Variants in PLD5 observed in about 807,000 individuals in gnomAD.
PLD5 encodes the protein inactive phospholipase D5.
PLD5 carries 36 observed loss-of-function variants against 61.1 expected under a neutral mutation model. The observed-to-expected ratio is 0.59, with a 90% CI of 0.45 to 0.78. The LOEUF (loss-of-function observed/expected upper bound fraction) is 0.78. PLD5 is among the 30% of genes least tolerant of loss of function. The pLI is 0.00. For synonymous variants in PLD5, 243 were observed against 242.8 expected (o/e 1.00, Z -0.01); for missense variants, 515 against 644.4 (o/e 0.80, Z 2.17).
Position 242,295,944 on chromosome 1 carries a change from T to C in PLD5, c.327-7414A>G, listed in dbSNP as rs149261846. ...ACTTTCATACTTGATTTTGGCATTATGTAGAGAACAATTCAAAACGAAAGG... is the reference window on the plus strand; with the variant it reads ...ACTTTCATACTTGATTTTGGCATTACGTAGAGAACAATTCAAAACGAAAGG... On this transcript the variant is annotated intron_variant, in intron 2 of 9. Transcript: ENST00000536534. Among the ~76,000 whole-genome samples the C allele has an allele frequency of 8.2e-4, 125 of 152,360 alleles. 2 individuals are homozygous for C. Among genetic ancestry groups the C allele is most frequent in the African/African-American group, 3.0e-3 (123 of 41,588 alleles).
chr1:242,232,129 C>T (rs1463914451), intron 4 of PLD5, among the ~76,000 whole-genome samples: 2 of 151,830 alleles, frequency 1.3e-5, no homozygotes. Flanking sequence ...ATTTTAAAGC[C>T]CACCAATCCC....
chr1:242,122,363 T>C (rs1325532127), intron 6 of PLD5, among the ~76,000 whole-genome samples: 2 of 152,252 alleles, frequency 1.3e-5, no homozygotes, highest in Non-Finnish European at 2.9e-5. Flanking sequence ...ATCTCCAAGG[T>C]TGAAACTGTA....
intron 1 of PLD5, among the ~76,000 whole-genome samples, chr1:242,444,563 G>C (rs1275759793): frequency 3.3e-5 from 5 of 149,330 alleles, no homozygotes; most frequent in Non-Finnish European, 5.9e-5. Flanking sequence ...AACCTCCTCT[G>C]ATCCTCTAGA....
chr1:242,413,792 A>G (rs552391722), intron 1 of PLD5, among the ~76,000 whole-genome samples: 1 of 152,276 alleles, frequency 6.6e-6, no homozygotes, highest in African/African-American at 2.4e-5. Context: ...GGTTTGAAGC[A>G]ATCTGAAGCA....
chr1:242,106,444 C>A (rs916955096), intron 8 of PLD5, among the ~76,000 whole-genome samples: 1 of 152,174 alleles, frequency 6.6e-6, no homozygotes, highest in Non-Finnish European at 1.5e-5. Context: ...CCAGGAACTT[C>A]AGACCATGAT....
At chr1:242,254,242 A>T (rs971751164) in intron 4 of PLD5, among the ~76,000 whole-genome samples, 1 of 151,998 alleles carries the variant, frequency 6.6e-6, no homozygotes, top group Non-Finnish European at 1.5e-5. Flanking sequence ...GATGTCATTT[A>T]CTAACAGTTC....
At chr1:242,235,221 C>A (rs934222222) in intron 4 of PLD5, among the ~76,000 whole-genome samples, 1 of 152,166 alleles carries the variant, frequency 6.6e-6, no homozygotes, top group Non-Finnish European at 1.5e-5. Flanking sequence ...GATTTGGCCA[C>A]ATCCAGAGGC....
intron 4 of PLD5, among the ~76,000 whole-genome samples, chr1:242,259,626 A>C (rs1372146581): frequency 1.3e-5 from 2 of 152,156 alleles, no homozygotes; most frequent in Non-Finnish European, 2.9e-5. Flanking sequence ...CACTGATTCT[A>C]AATCTTCTAT....
At position 242,322,720 on chromosome 1, in the gene PLD5, T is replaced by C. The variant is rs1023703696; in HGVS notation, c.326+25386A>G. ...TATATCCACTTCCTACTTCACTCTT[T>C]CTCTCCTGCTGCCATGTAAGACATG... is the stretch of plus-strand genomic sequence containing the variant. On this transcript the variant is annotated intron_variant, in intron 2 of 9. Coordinates refer to ENST00000536534, the MANE Select transcript of PLD5 (RefSeq NM_001372062.1). 5.3e-5 allele frequency among the ~76,000 whole-genome samples: 8 copies of C among 152,294 alleles called. 1 individual carries two copies. The highest frequency in any genetic ancestry group is 3.4e-3 in the Middle Eastern group (1 of 294).
At chr1:242,401,567 C>T (rs1172382058) in intron 1 of PLD5, among the ~76,000 whole-genome samples, 2 of 152,196 alleles carry the variant, frequency 1.3e-5, no homozygotes, top group South Asian at 2.1e-4. Flanking sequence ...TCTTCAGCCA[C>T]ATGAGAGATG....
At chr1:242,132,519 T>G (rs1311345302) in intron 5 of PLD5, among the ~76,000 whole-genome samples, 1 of 152,232 alleles carries the variant, frequency 6.6e-6, no homozygotes, top group Non-Finnish European at 1.5e-5. Flanking sequence ...GCAGCTCACA[T>G]GCATCCAGTT....
rs1230953479 is a variant in PLD5 at position 242,516,267 on chromosome 1, T to TATAA, written c.189+7820_189+7821insTTAT. The stretch of plus-strand genomic sequence containing the variant: ...AAGTTAAATTATATATATATATATA[T>TATAA]ATATATATATATACATATTCTTCTA... On this transcript the variant is annotated intron_variant, in intron 1 of 9. Coordinates refer to ENST00000536534, the MANE Select transcript of PLD5 (RefSeq NM_001372062.1). Among the ~76,000 whole-genome samples, 25 of 121,592 alleles carry TATAA rather than the reference T, an allele frequency of 2.1e-4. No individual in the cohort carries two copies. In the East Asian group the frequency reaches 4.9e-3, roughly 24 times the overall value. The allele number at this position is 121,592 out of a possible 152,430, so 79.8% of individuals were successfully genotyped here.
At chr1:242,414,619 A>G (rs1664725040) in intron 1 of PLD5, among the ~76,000 whole-genome samples, 1 of 152,246 alleles carries the variant, frequency 6.6e-6, no homozygotes, top group African/African-American at 2.4e-5. Context: ...CTTAGTGAAT[A>G]CATCAGGATA....
intron 1 of PLD5, among the ~76,000 whole-genome samples, chr1:242,445,891 C>T (rs1215578255): frequency 6.6e-6 from 1 of 151,624 alleles, no homozygotes; most frequent in African/African-American, 2.4e-5. Context: ...CTTTATTTTC[C>T]ATTTTCTCTC....
At chr1:242,389,350 T>C (rs1386479199) in intron 1 of PLD5, among the ~76,000 whole-genome samples, 1 of 152,138 alleles carries the variant, frequency 6.6e-6, no homozygotes, top group Non-Finnish European at 1.5e-5. Flanking sequence ...CATCTTAGAA[T>C]TACCCATACT....
At chr1:242,435,713 G>T (rs1037948655) in intron 1 of PLD5, among the ~76,000 whole-genome samples, 1 of 152,184 alleles carries the variant, frequency 6.6e-6, no homozygotes, top group Non-Finnish European at 1.5e-5. Flanking sequence ...TCCTAAAAGA[G>T]CAATGGGTGA....
chr1:242,377,072 G>T, intron 1 of PLD5: 1 of 1,611,692 alleles, frequency 6.2e-7, no homozygotes, highest in Non-Finnish European at 8.5e-7. Context: ...AGTCATCCTC[G>T]TGGCTGGGTT....
chr1:242,170,269 C>T (rs924955660), intron 5 of PLD5, among the ~76,000 whole-genome samples: 52 of 152,170 alleles, frequency 3.4e-4, no homozygotes, highest in African/African-American at 8.9e-4. Context: ...CTGCAGCCTC[C>T]GCTAGTGATA....
chr1:242,251,002 G>C (rs933723035), intron 4 of PLD5, among the ~76,000 whole-genome samples: 1 of 152,024 alleles, frequency 6.6e-6, no homozygotes, highest in Non-Finnish European at 1.5e-5. Flanking sequence ...TTTCTTTGCG[G>C]GGCAAATAAA....
Sources: gnomAD v4.1 joint callset for allele counts (sites outside exome capture counted in the v4.1 genomes callset) on GRCh38, gnomAD v4.1.1 for gene constraint, MANE v1.5 for transcripts, NCBI Gene and HGNC (gene_info 2026-07-23, HGNC 2026-07-21) for gene names.